The following APBA2 variants were observed in gnomAD, a reference collection of about 807,000 sequenced individuals.
The protein encoded by APBA2 is amyloid-beta A4 precursor protein-binding family A member 2.
A neutral mutation model predicts 75.0 loss-of-function variants in APBA2; 30 were observed. The observed-to-expected ratio is 0.40, with a 90% CI of 0.30 to 0.54. The LOEUF (loss-of-function observed/expected upper bound fraction) is 0.54. Ranked by LOEUF, APBA2 falls within the 20% of genes least tolerant of loss-of-function variation. The pLI, the probability that APBA2 is intolerant of heterozygous loss-of-function variation, is 0.49. For missense variants in APBA2, 801 were observed against 1,016.1 expected (o/e 0.79, Z 2.88); for synonymous variants, 444 against 409.6 (o/e 1.08, Z -1.01).
intron 2 of APBA2, among the ~76,000 whole-genome samples, chr15:28,974,742 A>G (rs989995367): frequency 2.0e-5 from 3 of 152,224 alleles, no homozygotes; most frequent in Non-Finnish European, 4.4e-5. Flanking sequence ...GAATTTGACG[A>G]TAATTAAAAT....
chr15:28,891,792 T>C (rs2032147454), intron 1 of APBA2, among the ~76,000 whole-genome samples: 1 of 152,170 alleles, frequency 6.6e-6, no homozygotes, highest in Admixed American at 6.5e-5. Context: ...GAGATATATG[T>C]GTACAGTCAT....
chr15:29,015,699 A>C (rs2039623097), intron 3 of APBA2, among the ~76,000 whole-genome samples: 1 of 152,220 alleles, frequency 6.6e-6, no homozygotes, highest in Non-Finnish European at 1.5e-5. Context: ...TTGAAAATCC[A>C]CTCACTGTTT....
At chr15:29,033,964 C>CAAAAAAAAAAAAAAAAAAAAAAA (rs34808408) in intron 3 of APBA2, among the ~76,000 whole-genome samples, 1 of 39,556 alleles carries the variant, frequency 2.5e-5, no homozygotes, top group African/African-American at 8.7e-5. Flanking sequence ...GACTCCATCT[C>CAAAAAAAAAAAAAAAAAAAAAAA]AAAAAAAAAA....
chr15:28,960,588 C>T (rs1214639006), intron 2 of APBA2, among the ~76,000 whole-genome samples: 3 of 151,946 alleles, frequency 2.0e-5, no homozygotes, highest in Non-Finnish European at 2.9e-5. Flanking sequence ...CAGATGGACT[C>T]TCACACCCTC....
intron 7 of APBA2, 51 bp from the exon 8 acceptor site, chr15:29,094,227 C>T (rs775145793): frequency 3.7e-5 from 59 of 1,582,776 alleles, no homozygotes; most frequent in Non-Finnish European, 5.0e-5. Context: ...CCTCACGCAC[C>T]TTCCTTCTCT....
At chr15:28,894,805 G>A (rs2032363413) in intron 1 of APBA2, among the ~76,000 whole-genome samples, 1 of 152,102 alleles carries the variant, frequency 6.6e-6, no homozygotes, top group South Asian at 2.1e-4. Context: ...GACGCCGTTA[G>A]GGGCATGTTC....
At chr15:28,939,300 A>G (rs1267933560) in intron 2 of APBA2, among the ~76,000 whole-genome samples, 1 of 152,164 alleles carries the variant, frequency 6.6e-6, no homozygotes, top group African/African-American at 2.4e-5. Context: ...TGGATTGTGG[A>G]TAATGCTGCT....
At chr15:29,106,945 G>T (rs2306935) in intron 12 of APBA2, 126 bp downstream of exon 12, 163,187 of 862,430 alleles carry the variant, frequency 0.19, 15,734 homozygotes, top group East Asian at 0.28. Context: ...GGCCCAGGGA[G>T]ACCCACCCGG....
intron 4 of APBA2, among the ~76,000 whole-genome samples, chr15:29,073,197 G>T (rs1344762503): frequency 6.6e-6 from 1 of 152,196 alleles, no homozygotes; most frequent in African/African-American, 2.4e-5. Flanking sequence ...CAGGGGATAG[G>T]GCTGGCAGCC....
chr15:29,049,381 A>G (rs2041490560), intron 3 of APBA2, among the ~76,000 whole-genome samples: 2 of 152,230 alleles, frequency 1.3e-5, no homozygotes, highest in Non-Finnish European at 2.9e-5. Context: ...GATTCTAGAC[A>G]GTGACTGGAT....
rs960335388 is a variant in APBA2, at chr15:29,038,193, T to G, written c.-40-15652T>G. 5.9e-5 allele frequency among the ~76,000 whole-genome samples: 9 copies of G among 152,298 alleles called. No homozygotes were observed. The South Asian group carries it at 8.3e-4, about 14-fold the overall frequency. Reference sequence around the variant, plus strand: ...CAACTTCTGCCTTCCCCACACTGTCTGAACTCCAGGGTCTCCTCTTCGTTT... The same window carrying G: ...CAACTTCTGCCTTCCCCACACTGTCGGAACTCCAGGGTCTCCTCTTCGTTT... On this transcript the variant is annotated intron_variant, in intron 3 of 14. Coordinates refer to ENST00000683413, the MANE Select transcript of APBA2 (RefSeq NM_001353788.2).
chr15:29,021,065 T>C (rs886110581), intron 3 of APBA2, among the ~76,000 whole-genome samples: 9 of 152,124 alleles, frequency 5.9e-5, no homozygotes, highest in Non-Finnish European at 1.2e-4. Flanking sequence ...GTTTTGTTTA[T>C]CTTAATTCTT....
intron 2 of APBA2, among the ~76,000 whole-genome samples, chr15:28,973,283 TGAA>T (rs1467530836): frequency 6.6e-6 from 1 of 152,246 alleles, no homozygotes; most frequent in Non-Finnish European, 1.5e-5. Flanking sequence ...GTGTAAAATT[TGAA>T]GAGTAAGAGC....
intron 11 of APBA2, 38 bp downstream of exon 11, chr15:29,105,596 G>A (rs1354665925): frequency 6.2e-7 from 1 of 1,608,308 alleles, no homozygotes; most frequent in Admixed American, 1.7e-5. Flanking sequence ...GGCCACATTT[G>A]CCAGCTTCTG....
At chr15:29,106,891 TC>T in intron 12 of APBA2, 72 bp downstream of exon 12, 1 of 1,406,888 alleles carries the variant, frequency 7.1e-7, no homozygotes, top group Non-Finnish European at 1.0e-6. Flanking sequence ...TTTGCTGCAA[TC>T]CCCACTTCAC....
rs1402441515 is a variant in APBA2, at chr15:28,918,145, G to A, written c.-204-3495G>A. Reference sequence around the variant, plus strand: ...CGGGAAGGGAAGGCCTGCAGGCTGAGGTGGTCTGCTTTGAGTTTTGCAGCG... The same window carrying A: ...CGGGAAGGGAAGGCCTGCAGGCTGAAGTGGTCTGCTTTGAGTTTTGCAGCG... On this transcript the variant is annotated intron_variant, in intron 1 of 14. Coordinates refer to ENST00000683413, the MANE Select transcript of APBA2 (RefSeq NM_001353788.2). The surrounding 1 kb of genome is among the most constrained non-coding windows in gnomAD (Gnocchi z 4.2). 5.9e-5 allele frequency among the ~76,000 whole-genome samples: 9 copies of A among 152,218 alleles called. No homozygotes were observed. The highest frequency in any genetic ancestry group is 2.2e-4 in the African/African-American group (9 of 41,466).
chr15:29,117,217 A>C lies in APBA2; in HGVS notation c.*84A>C. ...AGCTGGGAGCCGGGCCGCAGACTTG[A>C]CCCCGACGCCACAGCCCAGCCACGG... On this transcript the variant is annotated 3_prime_UTR_variant, in exon 15 of 15. Coordinates refer to ENST00000683413, the MANE Select transcript of APBA2 (RefSeq NM_001353788.2). The C allele has an allele frequency of 7.5e-7, 1 of 1,327,618 alleles. No homozygotes were observed. The allele number at this position is 1,327,618 out of a possible 1,614,324, so 82.2% of individuals were successfully genotyped here. A position where few individuals can be genotyped will look rare whatever the true frequency, so the allele number is the denominator to read the frequency against.
intron 3 of APBA2, among the ~76,000 whole-genome samples, chr15:29,017,229 G>A (rs1012849522): frequency 6.6e-6 from 1 of 152,006 alleles, no homozygotes. Context: ...CTTGCTGCAC[G>A]CACTTCTGGG....
At chr15:28,922,052 C>T (rs1368462853) in intron 2 of APBA2, among the ~76,000 whole-genome samples, 2 of 152,206 alleles carry the variant, frequency 1.3e-5, no homozygotes, top group African/African-American at 4.8e-5. Flanking sequence ...GATCCTGTCC[C>T]TGGAGTGCCC....
Sources: allele counts gnomAD v4.1 joint callset (sites outside exome capture counted in the v4.1 genomes callset), GRCh38; gene constraint gnomAD v4.1.1; non-coding constraint Gnocchi (gnomAD v3.1); transcripts MANE v1.5; gene names NCBI Gene and HGNC (gene_info 2026-07-23, HGNC 2026-07-21).